The following FBXW7 variants were observed in gnomAD, a reference collection of about 807,000 sequenced individuals.
The protein encoded by FBXW7 is F-box/WD repeat-containing protein 7.
FBXW7 carries 11 observed loss-of-function variants against 86.3 expected under a neutral mutation model. The ratio of observed to expected loss-of-function variants is 0.13; its 90% CI spans 0.08 to 0.21. The LOEUF (loss-of-function observed/expected upper bound fraction) is 0.21, where lower values mean the gene tolerates loss of function less well. Ranked by LOEUF, FBXW7 falls within the 10% of genes least tolerant of loss-of-function variation. FBXW7 has a pLI of 1.00. For synonymous variants in FBXW7, 313 were observed against 297.9 expected (o/e 1.05, Z -0.52); for missense variants, 488 against 847.4 (o/e 0.58, Z 5.27).
chr4:152,428,913 T>A (rs1739621562), intron 2 of FBXW7, among the ~76,000 whole-genome samples: 1 of 152,144 alleles, frequency 6.6e-6, no homozygotes, highest in South Asian at 2.1e-4. Flanking sequence ...TTCAGAACAC[T>A]TTGGCCGGGC....
At chr4:152,452,121 G>A (rs1044243771) in intron 2 of FBXW7, among the ~76,000 whole-genome samples, 3 of 152,154 alleles carry the variant, frequency 2.0e-5, no homozygotes, top group Non-Finnish European at 4.4e-5. Flanking sequence ...CTTCCTGTAA[G>A]CCAGACTTTG....
intron 2 of FBXW7, among the ~76,000 whole-genome samples, chr4:152,508,533 T>A (rs188708194): frequency 2.0e-5 from 3 of 151,298 alleles, no homozygotes; most frequent in South Asian, 4.2e-4. Flanking sequence ...ACAAACAATA[T>A]GAAAAATTAG....
At chr4:152,491,439 G>T (rs1355819629) in intron 2 of FBXW7, among the ~76,000 whole-genome samples, 1 of 152,108 alleles carries the variant, frequency 6.6e-6, no homozygotes, top group Non-Finnish European at 1.5e-5. Context: ...TCATAATTAA[G>T]ATAAAAGCTA....
At chr4:152,328,862 A>G (rs1729300183) in intron 10 of FBXW7, 1 of 152,236 alleles carries the variant, frequency 6.6e-6, no homozygotes, top group Admixed American at 6.6e-5. Flanking sequence ...AAGTAAAGAC[A>G]GACATTAAAG....
At chr4:152,427,129 T>C (rs1450025971) in intron 2 of FBXW7, among the ~76,000 whole-genome samples, 1 of 152,102 alleles carries the variant, frequency 6.6e-6, no homozygotes, top group Non-Finnish European at 1.5e-5. Context: ...TAGATAAAAT[T>C]AGGATTAAAT....
At chr4:152,434,028 A>G (rs1740152213) in intron 2 of FBXW7, among the ~76,000 whole-genome samples, 1 of 152,194 alleles carries the variant, frequency 6.6e-6, no homozygotes, top group Non-Finnish European at 1.5e-5. Flanking sequence ...CCATATCCAC[A>G]TATCAAAAGT....
chr4:152,501,459 CT>C (rs1210411798), intron 2 of FBXW7, among the ~76,000 whole-genome samples: 1 of 152,196 alleles, frequency 6.6e-6, no homozygotes, highest in Non-Finnish European at 1.5e-5. Flanking sequence ...TATTGCCTAA[CT>C]TGCTCAAAGG....
chr4:152,390,783 C>G (rs553335761), intron 4 of FBXW7, among the ~76,000 whole-genome samples: 4 of 151,898 alleles, frequency 2.6e-5, no homozygotes, highest in East Asian at 1.9e-4. Flanking sequence ...AGTCATAATA[C>G]TAATTATACT....
Position 152,485,661 on chromosome 4 carries a change from C to T in FBXW7, c.-120+49280G>A, listed in dbSNP as rs191428392. ...CCCAGTAATGCATCCATGATGTTGG[C>T]TTCCAAATACCATTCCCCACTAAGA... On this transcript the variant is annotated intron_variant, in intron 2 of 13. Coordinates refer to ENST00000281708, the MANE Select transcript of FBXW7 (RefSeq NM_001349798.2). Among the ~76,000 whole-genome samples the T allele has an allele frequency of 2.1e-4, 32 of 152,258 alleles. No individual in the cohort carries two copies. In the East Asian group the frequency reaches 2.1e-3, roughly 10 times the overall value.
intron 8 of FBXW7, among the ~76,000 whole-genome samples, chr4:152,331,777 T>C (rs1001447938): frequency 1.3e-5 from 2 of 152,080 alleles, no homozygotes; most frequent in African/African-American, 4.8e-5. Flanking sequence ...AAAAAATGAT[T>C]ATATGGAAGA....
intron 4 of FBXW7, among the ~76,000 whole-genome samples, chr4:152,410,334 A>T: frequency 6.6e-6 from 1 of 152,184 alleles, no homozygotes; most frequent in African/African-American, 2.4e-5. Flanking sequence ...TCTGAGCCTT[A>T]ACAAAGTGGT....
intron 13 of FBXW7, 68 bp downstream of exon 13, chr4:152,324,116 G>A: frequency 8.0e-7 from 1 of 1,242,946 alleles, no homozygotes; most frequent in Non-Finnish European, 1.2e-6. Context: ...GTGATGCTAA[G>A]GCTCCATATT....
At chr4:152,480,204 T>C (rs950510849) in intron 2 of FBXW7, among the ~76,000 whole-genome samples, 1 of 152,204 alleles carries the variant, frequency 6.6e-6, no homozygotes, top group African/African-American at 2.4e-5. Context: ...AGTATCACAT[T>C]TTAGTAATTC....
At chr4:152,513,024 G>A (rs149312304) in intron 2 of FBXW7, among the ~76,000 whole-genome samples, 137 of 152,114 alleles carry the variant, frequency 9.0e-4, no homozygotes, top group African/African-American at 3.1e-3. Flanking sequence ...ACCATGCTCG[G>A]CTAATTTTTG....
Position 152,322,704 on chromosome 4 carries a change from C to CTCT in FBXW7, c.*174_*176dup, listed in dbSNP as rs1186132542. 1 of 1,058,070 alleles carries CTCT rather than the reference C, an allele frequency of 9.5e-7. No individual in the cohort carries two copies. The highest frequency in any genetic ancestry group is 1.6e-5 in the African/African-American group (1 of 62,612). 65.5% of individuals were successfully genotyped at this position (1,058,070 alleles called of 1,614,324 possible). ...TCTCTTGTCAGTTATGGTTTGTCAT[C>CTCT]TCTTCTTCTTTTCCTTCTTAGTCTG... On this transcript the variant is annotated 3_prime_UTR_variant, in exon 14 of 14. Coordinates refer to ENST00000281708, the MANE Select transcript of FBXW7 (RefSeq NM_001349798.2).
chr4:152,426,955 C>G (rs1739446521), intron 2 of FBXW7, among the ~76,000 whole-genome samples: 1 of 152,174 alleles, frequency 6.6e-6, no homozygotes, highest in African/African-American at 2.4e-5. Flanking sequence ...ACGGGGAGCT[C>G]TGTAAAATTA....
chr4:152,389,222 T>C (rs1735791063), intron 4 of FBXW7, among the ~76,000 whole-genome samples: 1 of 152,110 alleles, frequency 6.6e-6, no homozygotes, highest in South Asian at 2.1e-4. Context: ...GAAAACATTA[T>C]GGAGATTTCT....
At chr4:152,374,819 G>A (rs1273705552) in intron 4 of FBXW7, among the ~76,000 whole-genome samples, 1 of 151,950 alleles carries the variant, frequency 6.6e-6, no homozygotes, top group Non-Finnish European at 1.5e-5. Flanking sequence ...GGACCATGAG[G>A]TCATGGAAAG....
At chr4:152,529,648 T>C (rs921287337) in intron 2 of FBXW7, among the ~76,000 whole-genome samples, 1 of 152,140 alleles carries the variant, frequency 6.6e-6, no homozygotes, top group Non-Finnish European at 1.5e-5. Flanking sequence ...GAACAACACA[T>C]GTGAGAAAGA....
Sources: allele counts gnomAD v4.1 joint callset (sites outside exome capture counted in the v4.1 genomes callset), GRCh38; gene constraint gnomAD v4.1.1; transcripts MANE v1.5; gene names NCBI Gene and HGNC (gene_info 2026-07-23, HGNC 2026-07-21).